Variants in HYDIN observed in about 807,000 individuals in gnomAD.
HYDIN encodes axonemal central pair apparatus protein HYDIN.
HYDIN carries 132 observed loss-of-function variants against 403.9 expected under a neutral mutation model. The observed-to-expected ratio is 0.33, with a 90% CI of 0.28 to 0.38. The LOEUF (loss-of-function observed/expected upper bound fraction) is 0.38. Ranked by LOEUF, HYDIN falls within the 10% of genes least tolerant of loss-of-function variation. The pLI is 1.00. For missense variants in HYDIN, 2,827 were observed against 5,009.5 expected (o/e 0.56, Z 13.15); for synonymous variants, 1,202 against 1,891.7 (o/e 0.64, Z 9.46).
chr16:70,807,760 G>T lies in HYDIN; in HGVS notation c.15186C>A (p.Thr5062=), dbSNP rs1461885996. The stretch of plus-strand genomic sequence containing the variant: ...GCCGCACAGACTCTCCAGCGCGAAT[G>T]GTGAAGGCTGGGTTATCCACGATGA... ...FSIIVDNPAF[T]IRAGESVRPK... is the part of the protein sequence containing the mutation. Residue 5062 remains threonine (T), a synonymous_variant, in exon 86 of 86, where the codon ACC becomes ACA. Transcript: ENST00000393567. The T allele has an allele frequency of 6.2e-7, 1 of 1,614,184 alleles. No homozygotes were observed. Among genetic ancestry groups the T allele is most frequent in the Non-Finnish European group, 8.5e-7 (1 of 1,180,036 alleles).
At position 71,134,456 on chromosome 16, in the gene HYDIN, C is replaced by T. The variant is rs1310809952; in HGVS notation, c.1043+2695G>A. 3.9e-5 allele frequency among the ~76,000 whole-genome samples: 6 copies of T among 152,382 alleles called. No individual in the cohort carries two copies. In the East Asian group the frequency reaches 1.2e-3, roughly 29 times the overall value. ...CAAGAGAATAACGCCTGATTCAGCT[C>T]TGCAGGCCTTGCTGGGGTGCTCAAA... On this transcript the variant is annotated intron_variant, in intron 8 of 85. Coordinates refer to ENST00000393567, the MANE Select transcript of HYDIN (RefSeq NM_001270974.2).
chr16:70,859,217 C>G (rs372969216), intron 71 of HYDIN, among the ~76,000 whole-genome samples: 1 of 152,066 alleles, frequency 6.6e-6, no homozygotes, highest in Admixed American at 6.6e-5. Context: ...AGGAGAATAG[C>G]GTGAACCCAG....
At chr16:71,203,522 A>G (rs975067922) in intron 1 of HYDIN, among the ~76,000 whole-genome samples, 6 of 152,218 alleles carry the variant, frequency 3.9e-5, no homozygotes, top group Admixed American at 3.9e-4. Context: ...GGAGAGAATA[A>G]GCTTATACTT....
intron 52 of HYDIN, among the ~76,000 whole-genome samples, chr16:70,901,880 G>A (rs1053601742): frequency 1.7e-4 from 26 of 151,922 alleles, no homozygotes; most frequent in Non-Finnish European, 2.9e-4. Flanking sequence ...CACTGCACCC[G>A]GCCAAGCATA....
intron 41 of HYDIN, among the ~76,000 whole-genome samples, chr16:70,950,171 C>A: frequency 6.7e-6 from 1 of 149,602 alleles, no homozygotes; most frequent in South Asian, 2.2e-4. Flanking sequence ...CCCTTGAAGA[C>A]CTTTGCCTCT....
At chr16:71,112,977 C>T (rs1171314929) in intron 10 of HYDIN, among the ~76,000 whole-genome samples, 1 of 151,986 alleles carries the variant, frequency 6.6e-6, no homozygotes, top group Non-Finnish European at 1.5e-5. Flanking sequence ...GGATTGTCTG[C>T]AAAGAAGCAT....
intron 20 of HYDIN, chr16:71,027,336 G>T (rs1445795363): frequency 7.3e-7 from 1 of 1,362,408 alleles, no homozygotes; most frequent in Non-Finnish European, 9.4e-7. Flanking sequence ...TTTTCTACCA[G>T]AGACTTGCTG....
intron 18 of HYDIN, among the ~76,000 whole-genome samples, chr16:71,048,382 T>C (rs1414405317): frequency 7.6e-6 from 1 of 131,002 alleles, no homozygotes; most frequent in Non-Finnish European, 1.7e-5. Context: ...GATCATAGGA[T>C]AGTTCTATTT....
intron 18 of HYDIN, among the ~76,000 whole-genome samples, chr16:71,045,319 A>G (rs1461596223): frequency 6.6e-6 from 1 of 152,122 alleles, no homozygotes; most frequent in Non-Finnish European, 1.5e-5. Context: ...TCTTAGAGGG[A>G]AATAGTTTGG....
chr16:71,056,308 T>C (rs191700316), intron 18 of HYDIN, among the ~76,000 whole-genome samples: 9 of 152,178 alleles, frequency 5.9e-5, no homozygotes, highest in African/African-American at 1.9e-4. Flanking sequence ...AATCAACTTT[T>C]TTTACACTGA....
At chr16:71,204,285 G>A (rs921876077) in intron 1 of HYDIN, among the ~76,000 whole-genome samples, 2 of 152,162 alleles carry the variant, frequency 1.3e-5, no homozygotes, top group Non-Finnish European at 2.9e-5. Flanking sequence ...ACAGAAAAAT[G>A]CTTAGAATTC....
chr16:70,956,359 G>A lies in HYDIN; in HGVS notation c.6143-811C>T, dbSNP rs1302819084. Among the ~76,000 whole-genome samples, 7 of 152,058 alleles carry A rather than the reference G, an allele frequency of 4.6e-5. 1 individual carries two copies. Among genetic ancestry groups the A allele is most frequent in the African/African-American group, 1.4e-4 (6 of 41,504 alleles). ...GGGATAGTACCGTTAGCCTATGGTC[G>A]CTAAGTACACATGTAACTGTATTTC... On this transcript the variant is annotated intron_variant, in intron 39 of 85. Transcript: ENST00000393567.
intron 41 of HYDIN, among the ~76,000 whole-genome samples, chr16:70,944,208 T>C (rs2077776024): frequency 6.6e-6 from 1 of 152,242 alleles, no homozygotes. Context: ...AATTATTCAC[T>C]GAGCACCTAT....
chr16:70,866,698 A>C (rs897778798), intron 66 of HYDIN, among the ~76,000 whole-genome samples: 4 of 149,464 alleles, frequency 2.7e-5, no homozygotes, highest in Non-Finnish European at 2.9e-5. Flanking sequence ...GAAGGGATTA[A>C]TAAACTTGAT....
At chr16:71,171,298 T>C (rs1201919452) in intron 5 of HYDIN, among the ~76,000 whole-genome samples, 3 of 152,224 alleles carry the variant, frequency 2.0e-5, no homozygotes, top group Non-Finnish European at 4.4e-5. Context: ...TCCCTTGACT[T>C]TCCTATCAGA....
intron 13 of HYDIN, 87 bp from the exon 14 acceptor site, chr16:71,069,589 T>C: frequency 1.5e-6 from 1 of 685,658 alleles, no homozygotes; most frequent in Non-Finnish European, 2.5e-6. Context: ...GCTAAGCTTC[T>C]TGAATGAACT....
intron 43 of HYDIN, among the ~76,000 whole-genome samples, chr16:70,939,112 C>A (rs1030252861): frequency 2.0e-5 from 3 of 152,098 alleles, no homozygotes; most frequent in Non-Finnish European, 4.4e-5. Context: ...TCGAGGGATG[C>A]AGGAGAGTCA....
chr16:70,807,837 T>C lies in HYDIN; in HGVS notation c.15109A>G (p.Ser5037Gly). The C allele has an allele frequency of 6.2e-7, 1 of 1,614,204 alleles. No homozygotes were observed. The highest frequency in any genetic ancestry group is 8.5e-7 in the Non-Finnish European group (1 of 1,180,032). Residue 5037 changes from serine (S) to glycine (G), a missense_variant, in exon 86 of 86, where the codon AGC becomes GGC. Transcript: ENST00000393567. Reference sequence around the variant, plus strand: ...ACATTCTTGAAGGGGATGATTATGCTGTACCCGGCTCGGATCGAGAAGGGA... The same window carrying C: ...ACATTCTTGAAGGGGATGATTATGCCGTACCCGGCTCGGATCGAGAAGGGA... ...QGPFSIRAGY[S>G]IIIPFKNVFY...
At chr16:71,151,353 A>G in intron 7 of HYDIN, among the ~76,000 whole-genome samples, 1 of 152,010 alleles carries the variant, frequency 6.6e-6, no homozygotes. Context: ...CAAGGGCTTG[A>G]GTCGTCCTCC....
Sources: allele counts gnomAD v4.1 joint callset (sites outside exome capture counted in the v4.1 genomes callset), GRCh38; gene constraint gnomAD v4.1.1; transcripts MANE v1.5; gene names NCBI Gene and HGNC (gene_info 2026-07-23, HGNC 2026-07-21).